Variants in AEBP2 observed in about 807,000 individuals in gnomAD.
AEBP2 encodes zinc finger protein AEBP2.
AEBP2 carries 10 observed loss-of-function variants against 50.8 expected under a neutral mutation model. That is an observed-to-expected ratio of 0.20 (90% CI 0.12 to 0.33). The LOEUF (loss-of-function observed/expected upper bound fraction) is 0.33. Ranked by LOEUF, AEBP2 falls within the 10% of genes least tolerant of loss-of-function variation. AEBP2 has a pLI of 1.00. For missense variants in AEBP2, 570 were observed against 688.0 expected (o/e 0.83, Z 1.92); for synonymous variants, 296 against 261.3 (o/e 1.13, Z -1.28).
chr12:19,480,277 T>C (rs1323265172), intron 3 of AEBP2, among the ~76,000 whole-genome samples: 1 of 152,146 alleles, frequency 6.6e-6, no homozygotes, highest in African/African-American at 2.4e-5. Context: ...CTAATTTTTG[T>C]ATTTTTTACT....
rs112378376 is a variant in AEBP2 at position 19,506,040 on chromosome 12, C to T, written c.1299+5819C>T. 2.8e-3 allele frequency among the ~76,000 whole-genome samples: 431 copies of T among 152,158 alleles called. 1 individual carries two copies. Among genetic ancestry groups the T allele is most frequent in the African/African-American group, 9.8e-3 (406 of 41,506 alleles). On this transcript the variant is annotated intron_variant, in intron 5 of 7. Coordinates refer to ENST00000266508, the MANE Select transcript of AEBP2 (RefSeq NM_153207.5). ...TCCTGGGCTCAAGTGATCCTCCTGGCTTTGCCTCCCAGAGTGCTGGAGTGA... is the reference window on the plus strand; with the variant it reads ...TCCTGGGCTCAAGTGATCCTCCTGGTTTTGCCTCCCAGAGTGCTGGAGTGA...
intron 1 of AEBP2, among the ~76,000 whole-genome samples, chr12:19,406,977 G>A (rs2095736627): frequency 6.6e-6 from 1 of 152,014 alleles, no homozygotes; most frequent in African/African-American, 2.4e-5. Context: ...TATTACCTTT[G>A]CTCCTCTGTC....
At chr12:19,459,026 G>A (rs1439993023) in intron 1 of AEBP2, among the ~76,000 whole-genome samples, 2 of 152,114 alleles carry the variant, frequency 1.3e-5, no homozygotes, top group Admixed American at 6.5e-5. Flanking sequence ...ATCACATTGA[G>A]TTTTTATTGC....
upstream of AEBP2, among the ~76,000 whole-genome samples, chr12:19,435,459 A>G (rs2095753730): frequency 6.6e-6 from 1 of 152,024 alleles, no homozygotes; most frequent in African/African-American, 2.4e-5. Flanking sequence ...GCTGGCCTTG[A>G]ACTCGTAACC....
intron 5 of AEBP2, among the ~76,000 whole-genome samples, chr12:19,501,969 T>C (rs983364275): frequency 1.3e-5 from 2 of 152,074 alleles, no homozygotes; most frequent in Admixed American, 1.3e-4. Context: ...TACCAACTAT[T>C]TACGTAGTAT....
At chr12:19,407,739 G>A (rs1592699867) in intron 1 of AEBP2, among the ~76,000 whole-genome samples, 1 of 151,918 alleles carries the variant, frequency 6.6e-6, no homozygotes. Flanking sequence ...GAGCCCAGCC[G>A]AGCCTATTGC....
At chr12:19,504,134 T>C (rs902126814) in intron 5 of AEBP2, among the ~76,000 whole-genome samples, 4 of 152,094 alleles carry the variant, frequency 2.6e-5, no homozygotes, top group East Asian at 1.9e-4. Context: ...TTTATGTTTT[T>C]AGTTACTGCA....
chr12:19,413,917 A>T, intron 1 of AEBP2, among the ~76,000 whole-genome samples: 2 of 148,216 alleles, frequency 1.3e-5, no homozygotes, highest in African/African-American at 5.0e-5. Flanking sequence ...TTTTTTTGAG[A>T]CAGTCTCACT....
intron 1 of AEBP2, chr12:19,457,581 G>A (rs1250716121): frequency 6.8e-7 from 1 of 1,481,278 alleles, no homozygotes; most frequent in Non-Finnish European, 9.0e-7. Context: ...ATGGCCAGTA[G>A]TGGTGGACTT....
intron 1 of AEBP2, among the ~76,000 whole-genome samples, chr12:19,429,091 A>T (rs2095750092): frequency 6.6e-6 from 1 of 152,096 alleles, no homozygotes; most frequent in South Asian, 2.1e-4. Flanking sequence ...CTCGTCATTT[A>T]ACATTAGGTA....
At chr12:19,497,130 G>A (rs942663123) in intron 4 of AEBP2, among the ~76,000 whole-genome samples, 2 of 151,284 alleles carry the variant, frequency 1.3e-5, no homozygotes, top group Admixed American at 1.3e-4. Flanking sequence ...TACCAATATG[G>A]TACATTTGTT....
At chr12:19,419,339 C>T (rs1219867763) in intron 1 of AEBP2, among the ~76,000 whole-genome samples, 1 of 152,190 alleles carries the variant, frequency 6.6e-6, no homozygotes, top group Non-Finnish European at 1.5e-5. Flanking sequence ...CCTGTAATCC[C>T]AGCACATTGG....
intron 1 of AEBP2, among the ~76,000 whole-genome samples, chr12:19,426,515 C>T (rs1356825670): frequency 1.3e-5 from 2 of 152,282 alleles, no homozygotes; most frequent in East Asian, 3.9e-4. Flanking sequence ...AATGTGGTCT[C>T]CAGCTGAGCT....
At chr12:19,479,481 C>G (rs1948694977) in intron 3 of AEBP2, among the ~76,000 whole-genome samples, 1 of 152,060 alleles carries the variant, frequency 6.6e-6, no homozygotes, top group Admixed American at 6.6e-5. Flanking sequence ...AAGATCATCA[C>G]CTAGGCACAC....
Position 19,410,778 on chromosome 12 carries a change from C to T in AEBP2, c.-17+6562C>T, listed in dbSNP as rs374746540. Among the ~76,000 whole-genome samples the T allele has an allele frequency of 2.6e-5, 4 of 152,098 alleles. No individual in the cohort carries two copies. The East Asian group carries it at 5.8e-4, about 22-fold the overall frequency. On this transcript the variant is annotated intron_variant, in intron 1 of 3. Transcript: ENST00000538425. ...ATAATCAGGATGGTTTCAGCCCATG[C>T]GGATCTCAGTATCTAAGAATTCGGG...
At chr12:19,456,632 T>A in intron 1 of AEBP2, 2 of 1,525,536 alleles carry the variant, frequency 1.3e-6, no homozygotes, top group Admixed American at 1.7e-5. Context: ...CCGCTTCCAT[T>A]GGTGGGTCAT....
At chr12:19,412,297 G>T (rs375432004) in intron 1 of AEBP2, among the ~76,000 whole-genome samples, 20 of 151,810 alleles carry the variant, frequency 1.3e-4, no homozygotes, top group African/African-American at 4.6e-4. Context: ...TTTTATTTTT[G>T]AGACAGGGTC....
chr12:19,477,510 A>AT (rs1948666317), intron 3 of AEBP2, among the ~76,000 whole-genome samples: 2 of 152,030 alleles, frequency 1.3e-5, no homozygotes, highest in Non-Finnish European at 1.5e-5. Flanking sequence ...GGGATGCTGG[A>AT]TTTTTTTGTT....
rs1565702352 is a variant in AEBP2 at position 19,439,980 on chromosome 12, G to GGGAGGACGAAGACGAGGA, written c.291_308dup (p.Glu97_Asp102dup). ...AGCCCCGAGAGCGCCAGCCAGGCCG[G>GGGAGGACGAAGACGAGGA]GGAGGACGAAGACGAGGAGGAGGAC... On this transcript the variant is annotated inframe_insertion, in exon 1 of 8. Coordinates refer to ENST00000266508, the MANE Select transcript of AEBP2 (RefSeq NM_153207.5). 7 of 1,524,294 alleles carry GGGAGGACGAAGACGAGGA rather than the reference G, an allele frequency of 4.6e-6. No individual in the cohort carries two copies. The highest frequency in any genetic ancestry group is 2.0e-5 in the Admixed American group (1 of 50,248). 94.4% of individuals were successfully genotyped at this position (1,524,294 alleles called of 1,614,324 possible).
Sources: gnomAD v4.1 joint callset for allele counts (sites outside exome capture counted in the v4.1 genomes callset) on GRCh38, gnomAD v4.1.1 for gene constraint, MANE v1.5 for transcripts, NCBI Gene and HGNC (gene_info 2026-07-23, HGNC 2026-07-21) for gene names.